Variants in ZRANB3 observed in about 807,000 individuals in gnomAD.
ZRANB3 encodes the protein DNA annealing helicase and endonuclease ZRANB3.
Under a neutral mutation model 133.8 loss-of-function variants are expected in ZRANB3, and 125 were observed. That is an observed-to-expected ratio of 0.93 (90% CI 0.81 to 1.08). ZRANB3 has a LOEUF of 1.08. Among genes scored for constraint, ZRANB3 ranks in the 50% least tolerant of loss-of-function variants. The pLI, the probability that ZRANB3 is intolerant of heterozygous loss-of-function variation, is 0.00. For synonymous variants in ZRANB3, 387 were observed against 432.7 expected (o/e 0.89, Z 1.31); for missense variants, 1,229 against 1,275.5 (o/e 0.96, Z 0.56).
intron 8 of ZRANB3, among the ~76,000 whole-genome samples, chr2:135,295,253 G>A (rs1346302406): frequency 1.3e-5 from 2 of 152,250 alleles, no homozygotes; most frequent in Admixed American, 6.5e-5. Context: ...TTATGAATCT[G>A]GGTGCTCCTG....
chr2:135,311,581 T>C (rs530247182), intron 8 of ZRANB3, among the ~76,000 whole-genome samples: 1,478 of 139,706 alleles, frequency 0.011, 22 homozygotes, highest in African/African-American at 0.036. Flanking sequence ...GGTGAAAGAA[T>C]AAAAAAAAAA....
intron 8 of ZRANB3, among the ~76,000 whole-genome samples, chr2:135,310,950 G>GACTCAAAAT (rs1437320734): frequency 3.4e-5 from 5 of 147,018 alleles, no homozygotes; most frequent in African/African-American, 1.3e-4. Flanking sequence ...AATTTCTTAG[G>GACTCAAAAT]ACTCAAAATA....
chr2:135,483,847 T>C (rs1691965465), intron 2 of ZRANB3, among the ~76,000 whole-genome samples: 1 of 152,232 alleles, frequency 6.6e-6, no homozygotes, highest in African/African-American at 2.4e-5. Context: ...ATATCTTTAT[T>C]TCTGCCTTCA....
At chr2:135,458,179 C>T (rs1477061073) in intron 2 of ZRANB3, among the ~76,000 whole-genome samples, 3 of 152,112 alleles carry the variant, frequency 2.0e-5, no homozygotes, top group African/African-American at 7.2e-5. Context: ...AGTAAGCATA[C>T]TTGTTGAAAT....
intron 8 of ZRANB3, among the ~76,000 whole-genome samples, chr2:135,311,823 A>G (rs528347888): frequency 6.6e-6 from 1 of 152,324 alleles, no homozygotes; most frequent in South Asian, 2.1e-4. Flanking sequence ...AGGAAAAGTA[A>G]TAACATATAC....
In ZRANB3 at chr2:135,233,260, A is replaced by G. The variant is rs113509387; in HGVS notation, c.1540-2333T>C. 3.0e-3 allele frequency among the ~76,000 whole-genome samples: 453 copies of G among 152,332 alleles called. 3 individuals are homozygous for G. The highest frequency in any genetic ancestry group is 0.01 in the African/African-American group (422 of 41,568). On this transcript the variant is annotated intron_variant, in intron 12 of 20. Transcript: ENST00000264159. ...TTTAGAGAAAAAAGAATAAAAAGAA[A>G]TGAACAAAGCCTCCAAGAAATATGG...
intron 2 of ZRANB3, among the ~76,000 whole-genome samples, chr2:135,422,589 GC>G (rs1558989881): frequency 6.6e-6 from 1 of 152,052 alleles, no homozygotes; most frequent in Admixed American, 6.6e-5. Flanking sequence ...CTTGAAAAGC[GC>G]CTTAACAGAA....
At chr2:135,491,538 T>C (rs1415627767) in intron 2 of ZRANB3, among the ~76,000 whole-genome samples, 16 of 149,366 alleles carry the variant, frequency 1.1e-4, no homozygotes, top group Middle Eastern at 3.4e-3. Flanking sequence ...TTTTGAGATA[T>C]AGTCTCACTC....
intron 6 of ZRANB3, among the ~76,000 whole-genome samples, chr2:135,343,173 G>A (rs1485045228): frequency 2.2e-5 from 3 of 135,906 alleles, no homozygotes; most frequent in Non-Finnish European, 4.6e-5. Flanking sequence ...GCAACAGAGT[G>A]AGACTCTGTC....
intron 2 of ZRANB3, among the ~76,000 whole-genome samples, chr2:135,407,890 A>T (rs1269761855): frequency 1.5e-4 from 21 of 142,590 alleles, no homozygotes; most frequent in Admixed American, 8.3e-4. Context: ...AACCTAGGCA[A>T]TACCATTCAG....
intron 2 of ZRANB3, among the ~76,000 whole-genome samples, chr2:135,497,522 C>A (rs75572040): frequency 6.6e-6 from 1 of 152,142 alleles, no homozygotes; most frequent in Non-Finnish European, 1.5e-5. Context: ...GTTGCACTAG[C>A]CACACTTCAA....
chr2:135,291,251 T>G (rs1374550216), intron 8 of ZRANB3, among the ~76,000 whole-genome samples: 1 of 152,136 alleles, frequency 6.6e-6, no homozygotes, highest in Non-Finnish European at 1.5e-5. Flanking sequence ...GGCATGATCT[T>G]GGCTCAAGGC....
At chr2:135,311,401 G>GT (rs929049399) in intron 8 of ZRANB3, among the ~76,000 whole-genome samples, 3 of 151,828 alleles carry the variant, frequency 2.0e-5, no homozygotes, top group Admixed American at 6.6e-5. Context: ...CAATTTGGCA[G>GT]TTTTTTTTAT....
chr2:135,295,774 T>A (rs1020698590), intron 8 of ZRANB3, among the ~76,000 whole-genome samples: 14 of 152,164 alleles, frequency 9.2e-5, no homozygotes, highest in Admixed American at 7.2e-4. Flanking sequence ...GCAGGTCTGG[T>A]GGTGACAAAA....
chr2:135,492,597 A>G (rs1381471245), intron 2 of ZRANB3, among the ~76,000 whole-genome samples: 1 of 152,208 alleles, frequency 6.6e-6, no homozygotes, highest in African/African-American at 2.4e-5. Context: ...GTAAAACATT[A>G]TCTTTTAAAA....
chr2:135,455,591 T>C (rs1234858352), intron 2 of ZRANB3, among the ~76,000 whole-genome samples: 1 of 138,200 alleles, frequency 7.2e-6, no homozygotes, highest in African/African-American at 2.8e-5. Context: ...ATTTTTTTCT[T>C]TTTTTTTTTT....
intron 2 of ZRANB3, among the ~76,000 whole-genome samples, chr2:135,475,467 T>C (rs1208125733): frequency 6.6e-6 from 1 of 152,250 alleles, no homozygotes; most frequent in African/African-American, 2.4e-5. Context: ...CTGGGCATCA[T>C]GTTGTCATGC....
intron 3 of ZRANB3, among the ~76,000 whole-genome samples, chr2:135,385,218 T>C (rs917876592): frequency 1.3e-5 from 2 of 152,122 alleles, no homozygotes; most frequent in Non-Finnish European, 2.9e-5. Context: ...GAGAGCCAAA[T>C]GGTGAGTGAA....
chr2:135,309,660 A>T (rs1464345127), intron 8 of ZRANB3, among the ~76,000 whole-genome samples: 3 of 152,182 alleles, frequency 2.0e-5, no homozygotes, highest in Middle Eastern at 3.2e-3. Context: ...CAAAATACCT[A>T]TGGATAAATC....
Sources: gnomAD v4.1 joint callset for allele counts (sites outside exome capture counted in the v4.1 genomes callset) on GRCh38, gnomAD v4.1.1 for gene constraint, MANE v1.5 for transcripts, NCBI Gene and HGNC (gene_info 2026-07-23, HGNC 2026-07-21) for gene names.